The following FRMD4B variants were observed in gnomAD, a reference collection of about 807,000 sequenced individuals.
FRMD4B encodes the protein FERM domain containing 4B, also known as FERM domain-containing protein 4B.
Under a neutral mutation model 141.5 loss-of-function variants are expected in FRMD4B, and 74 were observed. That is an observed-to-expected ratio of 0.52 (90% CI 0.43 to 0.63). FRMD4B has a LOEUF of 0.63. FRMD4B is among the 30% of genes least tolerant of loss of function. FRMD4B has a pLI of 0.00. For missense variants in FRMD4B, 1,366 were observed against 1,253.4 expected (o/e 1.09, Z -1.36); for synonymous variants, 506 against 467.9 (o/e 1.08, Z -1.05).
chr3:69,338,234 A>G (rs1439474904), intron 1 of FRMD4B, among the ~76,000 whole-genome samples: 1 of 152,198 alleles, frequency 6.6e-6, no homozygotes, highest in Non-Finnish European at 1.5e-5. Flanking sequence ...ACGTGTTCTC[A>G]TTCATAGGTG....
intron 7 of FRMD4B, 147 bp downstream of exon 7, chr3:69,249,079 C>T (rs2093444820): frequency 1.8e-6 from 1 of 550,666 alleles, no homozygotes; most frequent in Non-Finnish European, 3.2e-6. Flanking sequence ...AAGAATAGGT[C>T]TCTATTTGAA....
intron 5 of FRMD4B, among the ~76,000 whole-genome samples, chr3:69,279,183 T>C (rs1429337740): frequency 6.6e-6 from 1 of 152,206 alleles, no homozygotes; most frequent in African/African-American, 2.4e-5. Context: ...TATTTTACGA[T>C]AATGCAGCAC....
Position 69,303,739 on chromosome 3 carries a change from G to C in FRMD4B, c.324-1304C>G, listed in dbSNP as rs545060226. Among the ~76,000 whole-genome samples the C allele has an allele frequency of 8.5e-5, 13 of 152,176 alleles. No individual in the cohort carries two copies. The South Asian group carries it at 2.1e-3, about 24-fold the overall frequency. On this transcript the variant is annotated intron_variant, in intron 3 of 22. Coordinates refer to ENST00000398540, the MANE Select transcript of FRMD4B (RefSeq NM_015123.3). ...GAGCCCAGGAATTTGAGACTAGCCT[G>C]GGCAACATGGTGAAACCCGATTTCT... is the stretch of plus-strand genomic sequence containing the variant.
chr3:69,471,501 G>A (rs191136908), intron 1 of FRMD4B: 68 of 257,150 alleles, frequency 2.6e-4, no homozygotes, highest in East Asian at 3.8e-4. Context: ...ATAGGTAAGC[G>A]TCAGAAGAAG....
chr3:69,405,802 G>A (rs1429186388), intron 2 of FRMD4B, among the ~76,000 whole-genome samples: 9 of 152,192 alleles, frequency 5.9e-5, no homozygotes, highest in African/African-American at 1.7e-4. Flanking sequence ...CTGGTCTGCA[G>A]AAAAAGCCTC....
chr3:69,411,033 C>T (rs1419247684), intron 2 of FRMD4B, among the ~76,000 whole-genome samples: 4 of 151,988 alleles, frequency 2.6e-5, no homozygotes, highest in Admixed American at 6.6e-5. Flanking sequence ...TCTCCTGTGG[C>T]AAACTAGAGA....
At chr3:69,293,006 A>G (rs1017975899) in intron 4 of FRMD4B, 1 of 454,198 alleles carries the variant, frequency 2.2e-6, no homozygotes, top group African/African-American at 2.0e-5. Flanking sequence ...TTGAGAAGAG[A>G]ATTTGCTCAG....
intron 7 of FRMD4B, 68 bp from the exon 8 acceptor site, chr3:69,224,758 A>G (rs2093234050): frequency 1.3e-6 from 1 of 751,868 alleles, no homozygotes; most frequent in South Asian, 1.5e-5. Context: ...CCGGTCACCA[A>G]ATGAATTAGA....
Position 69,385,923 on chromosome 3 carries a change from A to T in FRMD4B, c.67T>A (p.Leu23Met). The change falls in exon 1 of 23, where the codon TTG (leucine) becomes ATG (methionine). Residue 23 changes from leucine (L) to methionine (M), a missense_variant. Transcript: ENST00000398540. ...LFSGSRFVWNLTVSTLRRWYT... is the reference protein window; with the variant it reads ...LFSGSRFVWNMTVSTLRRWYT... ...CATCTCCGCAGCGTGGACACGGTCA[A>T]GTTCCATACGAAGCGGCTGCCGCTG... The T allele has an allele frequency of 6.2e-7, 1 of 1,605,304 alleles. No individual in the cohort carries two copies. The highest frequency in any genetic ancestry group is 8.5e-7 in the Non-Finnish European group (1 of 1,176,418).
chr3:69,516,012 G>A (rs1333390055), intron 1 of FRMD4B, among the ~76,000 whole-genome samples: 1 of 152,096 alleles, frequency 6.6e-6, no homozygotes, highest in East Asian at 1.9e-4. Context: ...GAACATTGGG[G>A]CTAGGAGTTC....
At chr3:69,254,926 TTC>T (rs753198333) in intron 5 of FRMD4B, among the ~76,000 whole-genome samples, 9 of 151,984 alleles carry the variant, frequency 5.9e-5, no homozygotes, top group Middle Eastern at 3.4e-3. Flanking sequence ...CTGAGGGATA[TTC>T]TGTAAAACAT....
At chr3:69,362,413 G>T (rs1384458467) in intron 1 of FRMD4B, among the ~76,000 whole-genome samples, 1 of 152,152 alleles carries the variant, frequency 6.6e-6, no homozygotes, top group Non-Finnish European at 1.5e-5. Flanking sequence ...CAGTTCTCTA[G>T]CATTTCACTG....
intron 1 of FRMD4B, among the ~76,000 whole-genome samples, chr3:69,459,084 C>G (rs1203610986): frequency 6.6e-6 from 1 of 152,164 alleles, no homozygotes; most frequent in African/African-American, 2.4e-5. Flanking sequence ...TATGTGCTAA[C>G]AAAATGCAAT....
rs563501033 is a variant in FRMD4B at position 69,219,271 on chromosome 3, A to G, written c.732-892T>C. Among the ~76,000 whole-genome samples the G allele has an allele frequency of 9.9e-4, 151 of 152,120 alleles. 1 individual carries two copies. The highest frequency in any genetic ancestry group is 3.6e-3 in the African/African-American group (148 of 41,504). On this transcript the variant is annotated intron_variant, in intron 9 of 22. Coordinates refer to ENST00000398540, the MANE Select transcript of FRMD4B (RefSeq NM_015123.3). ...GTACACCTTTAAGGCTTTGGGGTGG[A>G]CTAAATTTTGTAACGCTTCCTCTCT...
rs1359268548 is a variant in FRMD4B, at chr3:69,298,919, T to A, written c.416+3424A>T. On this transcript the variant is annotated intron_variant, in intron 4 of 22. Transcript: ENST00000398540. ...TCCATTAGGCTGTGTGCTTTATGGC[T>A]GCAGGATTTTGTCATTTTCTTCTAC... Among the ~76,000 whole-genome samples, 5 of 152,132 alleles carry A rather than the reference T, an allele frequency of 3.3e-5. No homozygotes were observed. In the East Asian group the frequency reaches 9.6e-4, roughly 29 times the overall value.
chr3:69,335,392 A>G (rs1163360466), intron 1 of FRMD4B, among the ~76,000 whole-genome samples: 1 of 127,652 alleles, frequency 7.8e-6, no homozygotes, highest in African/African-American at 3.0e-5. Context: ...TTTTTTTCCG[A>G]GACAGAGTCT....
chr3:69,520,043 TTCCATCC>T (rs1559552171), intron 1 of FRMD4B, among the ~76,000 whole-genome samples: 1 of 116,164 alleles, frequency 8.6e-6, no homozygotes, highest in South Asian at 2.4e-4. Flanking sequence ...TATATATATA[TTCCATCC>T]ATATATATAT....
intron 1 of FRMD4B, among the ~76,000 whole-genome samples, chr3:69,508,259 C>A (rs778622807): frequency 6.6e-6 from 1 of 151,912 alleles, no homozygotes; most frequent in African/African-American, 2.4e-5. Context: ...TTTTATTAAA[C>A]GAGGTTAATA....
At chr3:69,243,447 C>T (rs61241224) in intron 7 of FRMD4B, among the ~76,000 whole-genome samples, 5,273 of 152,234 alleles carry the variant, frequency 0.035, 318 homozygotes, top group African/African-American at 0.12. Context: ...GAATGGGAGA[C>T]TAAATGTGTA....
Sources: allele counts gnomAD v4.1 joint callset (sites outside exome capture counted in the v4.1 genomes callset), GRCh38; gene constraint gnomAD v4.1.1; transcripts MANE v1.5; gene names NCBI Gene and HGNC (gene_info 2026-07-23, HGNC 2026-07-21).